The following UNC50 variants were observed in gnomAD, a reference collection of about 807,000 sequenced individuals.
UNC50 encodes protein unc-50 homolog.
Under a neutral mutation model 31.5 loss-of-function variants are expected in UNC50, and 24 were observed. The observed-to-expected ratio is 0.76, with a 90% CI of 0.55 to 1.07. The LOEUF is 1.07. UNC50 is among the 50% of genes least tolerant of loss of function. The pLI, the probability that UNC50 is intolerant of heterozygous loss-of-function variation, is 0.00. For synonymous variants in UNC50, 118 were observed against 114.7 expected (o/e 1.03, Z -0.18); for missense variants, 245 against 304.2 (o/e 0.81, Z 1.45).
At chr2:98,616,583 A>G in intron 5 of UNC50, 50 bp downstream of exon 5, 4 of 1,482,906 alleles carry the variant, frequency 2.7e-6, no homozygotes, top group Non-Finnish European at 2.8e-6. Flanking sequence ...CAAGAGGGGG[A>G]AAGTTGTAAC....
chr2:98,618,399 T>TATC lies in UNC50; in HGVS notation c.*96_*98dup. The TATC allele has an allele frequency of 1.5e-6, 2 of 1,372,180 alleles. No homozygotes were observed. The highest frequency in any genetic ancestry group is 1.9e-6 in the Non-Finnish European group (2 of 1,042,652). The allele number at this position is 1,372,180 out of a possible 1,614,324, so 85.0% of individuals were successfully genotyped here. The stretch of plus-strand genomic sequence containing the variant: ...GTAAATAAACTATCATCTTTGTAGA[T>TATC]ATCTTAAAGGTGTAAAGTTTGCAAA... On this transcript the variant is annotated 3_prime_UTR_variant, in exon 6 of 6. Coordinates refer to ENST00000357765, the MANE Select transcript of UNC50 (RefSeq NM_014044.7).
Position 98,618,398 on chromosome 2 carries a change from A to G in UNC50, c.*94A>G, listed in dbSNP as rs939747404. 4.4e-6 allele frequency: 6 copies of G among 1,379,288 alleles called. No individual in the cohort carries two copies. Among genetic ancestry groups the G allele is most frequent in the Admixed American group, 5.8e-5 (2 of 34,196 alleles). 85.4% of individuals were successfully genotyped at this position (1,379,288 alleles called of 1,614,324 possible). ...TGTAAATAAACTATCATCTTTGTAG[A>G]TATCTTAAAGGTGTAAAGTTTGCAA... On this transcript the variant is annotated 3_prime_UTR_variant, in exon 6 of 6. Coordinates refer to ENST00000357765, the MANE Select transcript of UNC50 (RefSeq NM_014044.7).
In UNC50 at chr2:98,608,641, G is replaced by C. The variant is rs1181059149; in HGVS notation, c.-90G>C. 2 of 571,680 alleles carry C rather than the reference G, an allele frequency of 3.5e-6. No individual in the cohort carries two copies. The highest frequency in any genetic ancestry group is 6.0e-5 in the East Asian group (2 of 33,590). The allele number at this position is 571,680 out of a possible 1,614,324, so 35.4% of individuals were successfully genotyped here. On this transcript the variant is annotated 5_prime_UTR_variant, in exon 1 of 6. Transcript: ENST00000357765. Reference sequence around the variant, plus strand: ...GGCCGGCTCCGTTGAGGGAAGGGAAGCCCGCCCGGTGGCGGCTGGGGTCGG... The same window carrying C: ...GGCCGGCTCCGTTGAGGGAAGGGAACCCCGCCCGGTGGCGGCTGGGGTCGG...
At chr2:98,609,683 C>T in intron 1 of UNC50, 73 bp from the exon 2 acceptor site, 1 of 1,601,114 alleles carries the variant, frequency 6.2e-7, no homozygotes. Context: ...TGCCAAATAA[C>T]TCAGAAGAGG....
chr2:98,612,690 T>G (rs1270384505), intron 3 of UNC50, among the ~76,000 whole-genome samples: 1 of 152,226 alleles, frequency 6.6e-6, no homozygotes, highest in East Asian at 1.9e-4. Flanking sequence ...ATTACAGGCG[T>G]GAGCCACCGC....
At position 98,610,816 on chromosome 2, in the gene UNC50, T is replaced by G. The variant is rs113899214; in HGVS notation, c.322T>G (p.Phe108Val). ...TGGCTTTGTGCTGGACATGGGATTC[T>G]TTGAGACAATAAAGCTTCTCCTTTG... ...GFGFVLDMGFFETIKLLLWVV... is the reference protein window; with the variant it reads ...GFGFVLDMGFVETIKLLLWVV... The change falls in exon 3 of 6, where the codon TTT becomes GTT. Residue 108 changes from phenylalanine to valine, a missense_variant. By Grantham distance (50) the Phe-to-Val change is conservative. Transcript: ENST00000357765. 9 of 1,614,228 alleles carry G rather than the reference T, an allele frequency of 5.6e-6. No homozygotes were observed. The African/African-American group carries it at 6.7e-5, about 12-fold the overall frequency.
At chr2:98,612,660 C>T (rs1344794081) in intron 3 of UNC50, among the ~76,000 whole-genome samples, 1 of 152,228 alleles carries the variant, frequency 6.6e-6, no homozygotes, top group African/African-American at 2.4e-5. Flanking sequence ...CCTCCCGCCT[C>T]AGCCTCCCAA....
intron 1 of UNC50, 25 bp downstream of exon 1, chr2:98,608,751 C>T: frequency 2.9e-6 from 1 of 340,042 alleles, no homozygotes; most frequent in Non-Finnish European, 5.5e-6. Flanking sequence ...CCACTCTGCC[C>T]TCCCGCGGCC....
At chr2:98,616,718 TG>T (rs1300070163) in intron 5 of UNC50, among the ~76,000 whole-genome samples, 185 bp downstream of exon 5, 10 of 152,232 alleles carry the variant, frequency 6.6e-5, no homozygotes, top group African/African-American at 2.4e-4. Flanking sequence ...ATGAGGAAAC[TG>T]AGGCAGAGAG....
At chr2:98,615,255 A>T (rs1286638065) in intron 3 of UNC50, among the ~76,000 whole-genome samples, 1 of 152,128 alleles carries the variant, frequency 6.6e-6, no homozygotes, top group Non-Finnish European at 1.5e-5. Flanking sequence ...CGTGGCTTTA[A>T]ATATTAATAT....
At chr2:98,616,984 T>A (rs1700934103) in intron 5 of UNC50, among the ~76,000 whole-genome samples, 1 of 152,202 alleles carries the variant, frequency 6.6e-6, no homozygotes, top group South Asian at 2.1e-4. Flanking sequence ...GCCTTTTGAA[T>A]CATAACTTTT....
At chr2:98,608,863 G>A (rs974373186) in intron 1 of UNC50, 137 bp downstream of exon 1, 1 of 255,342 alleles carries the variant, frequency 3.9e-6, no homozygotes. Flanking sequence ...GCCGGCGATA[G>A]AGTTGCGGCT....
chr2:98,615,520 C>T (rs1700905906), intron 3 of UNC50, among the ~76,000 whole-genome samples: 1 of 152,132 alleles, frequency 6.6e-6, no homozygotes, highest in Admixed American at 6.5e-5. Flanking sequence ...TTCTCATACT[C>T]CAATCCAATA....
Position 98,609,816 on chromosome 2 carries a change from C to T in UNC50, c.57C>T (p.Ser19=). 6.2e-7 allele frequency: 1 copy of T among 1,614,146 alleles called. No individual in the cohort carries two copies. The highest frequency in any genetic ancestry group is 8.5e-7 in the Non-Finnish European group (1 of 1,180,028). ...SLVQGNGVLN[S]RDAARHTAGA... The stretch of plus-strand genomic sequence containing the variant: ...TGCAGGGGAACGGAGTCTTGAATTC[C>T]AGGGATGCGGCAAGACACACAGCCG... The change falls in exon 2 of 6, where the codon TCC becomes TCT. Residue 19 remains serine (S), a synonymous_variant. Transcript: ENST00000357765.
rs773119238 is a variant in UNC50, at chr2:98,610,090, A to AT, written c.280+57dup. On this transcript the variant is annotated intron_variant, in intron 2 of 5. Transcript: ENST00000357765. ...TTGAACGCTGAGTGTTTCTGATTAG[A>AT]TTTTTTGTTATAAATGTGTTGTGGG... 5 of 1,526,122 alleles carry AT rather than the reference A, an allele frequency of 3.3e-6. No individual in the cohort carries two copies. The African/African-American group carries it at 5.6e-5, about 17-fold the overall frequency. 94.5% of individuals were successfully genotyped at this position (1,526,122 alleles called of 1,614,324 possible).
intron 5 of UNC50, among the ~76,000 whole-genome samples, chr2:98,617,427 C>T (rs1055576659): frequency 2.0e-5 from 3 of 152,262 alleles, no homozygotes; most frequent in East Asian, 1.9e-4. Context: ...TGTGTCATTT[C>T]TAATGAATTT....
intron 3 of UNC50, among the ~76,000 whole-genome samples, chr2:98,614,493 G>A (rs1175135805): frequency 6.6e-6 from 1 of 152,178 alleles, no homozygotes; most frequent in Non-Finnish European, 1.5e-5. Flanking sequence ...TGAGGTTGAT[G>A]ACTCTAGACC....
intron 3 of UNC50, 65 bp from the exon 4 acceptor site, chr2:98,616,141 GA>G: frequency 6.6e-7 from 1 of 1,511,438 alleles, no homozygotes; most frequent in Non-Finnish European, 9.0e-7. Context: ...CTGCCGCATA[GA>G]AAGTCGTCAG....
Position 98,616,541 on chromosome 2 carries a change from A to AT in UNC50, c.643+15dup. 4 of 1,606,104 alleles carry AT rather than the reference A, an allele frequency of 2.5e-6. No homozygotes were observed. The highest frequency in any genetic ancestry group is 3.4e-6 in the Non-Finnish European group (4 of 1,173,924). ...CTTTCCTGGGATACAGTGGTAAGTA[A>AT]TTTTTTTAAATGTTTTTGGTTGAGA... On this transcript the variant is annotated intron_variant, in intron 5 of 5. Coordinates refer to ENST00000357765, the MANE Select transcript of UNC50 (RefSeq NM_014044.7).
Sources: gnomAD v4.1 joint callset for allele counts (sites outside exome capture counted in the v4.1 genomes callset) on GRCh38, gnomAD v4.1.1 for gene constraint, MANE v1.5 for transcripts, NCBI Gene and HGNC (gene_info 2026-07-23, HGNC 2026-07-21) for gene names.